SCN1A: variants seen among roughly 807,000 people sequenced by gnomAD.
SCN1A encodes the protein sodium voltage-gated channel alpha subunit 1, also known as sodium channel protein type 1 subunit alpha.
SCN1A carries 13 observed loss-of-function variants against 193.7 expected under a neutral mutation model. The ratio of observed to expected loss-of-function variants is 0.07; its 90% CI spans 0.04 to 0.11. The LOEUF (loss-of-function observed/expected upper bound fraction) is 0.11. Among genes scored for constraint, SCN1A ranks in the 10% least tolerant of loss-of-function variants. The pLI is 1.00. For synonymous variants in SCN1A, 781 were observed against 843.6 expected, an observed-to-expected ratio of 0.93 and a Z score of 1.29; for missense variants, 1,432 against 2,451.1, an observed-to-expected ratio of 0.58 and a Z score of 8.78.
intron 20 of SCN1A, among the ~76,000 whole-genome samples, chr2:166,014,584 C>T (rs1340719555): frequency 4.5e-5 from 5 of 110,840 alleles, no homozygotes; most frequent in Non-Finnish European, 7.4e-5. Flanking sequence ...CAAAAAAAAT[C>T]TGGTTTTCAA....
chr2:165,992,796 G>A lies in SCN1A; in HGVS notation c.4853-374C>T, dbSNP rs1573955813. On this transcript the variant is annotated intron_variant, in intron 28 of 28. Transcript: ENST00000674923. This position sits in a 1 kb window ranked among gnomAD's most constrained non-coding sequence, Gnocchi z 6.5. ...TTATATGTATACAGTGACTTTTTCT[G>A]AAATTGCCATATTCTAAATTCTCTA... 6.5e-6 allele frequency: 1 copy of A among 154,144 alleles called. No individual in the cohort carries two copies. The highest frequency in any genetic ancestry group is 6.5e-5 in the Admixed American group (1 of 15,270). The allele number at this position is 154,144 out of a possible 1,614,324, so 9.5% of individuals were successfully genotyped here. A position where few individuals can be genotyped will look rare whatever the true frequency, so the allele number is the denominator to read the frequency against.
chr2:166,048,159 G>T (rs1224624246), intron 10 of SCN1A, among the ~76,000 whole-genome samples: 1 of 151,984 alleles, frequency 6.6e-6, no homozygotes, highest in Admixed American at 6.6e-5. Flanking sequence ...TATGTTTGCT[G>T]TTATATACAG....
intron 19 of SCN1A, among the ~76,000 whole-genome samples, chr2:166,023,241 T>C (rs1254686647): frequency 6.6e-6 from 1 of 152,240 alleles, no homozygotes; most frequent in Non-Finnish European, 1.5e-5. Context: ...ACCACATCTG[T>C]CACTCACCAT....
chr2:166,050,596 C>G (rs1003432436), intron 9 of SCN1A, among the ~76,000 whole-genome samples: 1 of 84,788 alleles, frequency 1.2e-5, no homozygotes, highest in Non-Finnish European at 2.7e-5. Flanking sequence ...GCCACCACAC[C>G]CAACTCATTA....
At chr2:166,140,695 G>A (rs568211203) in intron 1 of SCN1A, among the ~76,000 whole-genome samples, 9 of 152,272 alleles carry the variant, frequency 5.9e-5, no homozygotes, top group African/African-American at 1.4e-4. Context: ...ACTGCTGATC[G>A]TGAACACTTA....
At chr2:166,107,180 G>A (rs1160457291) in intron 2 of SCN1A, among the ~76,000 whole-genome samples, 1 of 152,126 alleles carries the variant, frequency 6.6e-6, no homozygotes, top group Non-Finnish European at 1.5e-5. Context: ...CAAAAAGCAA[G>A]TAATCTTCGA....
intron 27 of SCN1A, among the ~76,000 whole-genome samples, chr2:165,994,865 T>C (rs1305883229): frequency 2.6e-5 from 4 of 152,004 alleles, no homozygotes; most frequent in African/African-American, 9.6e-5. Context: ...CTCAAATAAT[T>C]GTTAAGGAGA....
At chr2:166,044,174 T>C (rs1697516953) in intron 13 of SCN1A, 125 bp from the exon 14 acceptor site, 1 of 1,091,886 alleles carries the variant, frequency 9.2e-7, no homozygotes, top group Non-Finnish European at 1.3e-6. Flanking sequence ...TCATTCCTTT[T>C]GATTATCATT....
At chr2:166,129,166 C>T (rs1481465267), upstream of SCN1A, among the ~76,000 whole-genome samples, 1 of 151,986 alleles carries the variant, frequency 6.6e-6, no homozygotes, top group Non-Finnish European at 1.5e-5. Context: ...CCTATTTATA[C>T]TTGAGAACAC....
At chr2:166,036,007 T>A in intron 19 of SCN1A, 41 bp downstream of exon 19, 1 of 1,591,338 alleles carries the variant, frequency 6.3e-7, no homozygotes, top group Non-Finnish European at 8.6e-7. Context: ...TATGTATATA[T>A]GTATATGTAT....
In SCN1A at chr2:166,070,983, G is replaced by A. The variant is rs374880591; in HGVS notation, c.264+2375C>T. ...TTTAGATGGTGATTGCTACCAAAGA[G>A]GTGAGGACCCGGTGTCTGGGGGTAG... On this transcript the variant is annotated intron_variant, in intron 4 of 28. Transcript: ENST00000674923. Among the ~76,000 whole-genome samples, 60 of 152,302 alleles carry A rather than the reference G, an allele frequency of 3.9e-4. 3 individuals are homozygous for A. The highest frequency in any genetic ancestry group is 1.4e-3 in the African/African-American group (59 of 41,558).
rs1485857240 is a variant in SCN1A at position 166,045,335 on chromosome 2, G to T, written c.1378-8C>A. ...AGTTGCCGTTGCTGCCTGCTATATT[G>T]AAGAGAAATGATTTTAACATAGCAC... is the stretch of plus-strand genomic sequence containing the variant. On this transcript the variant is annotated splice_polypyrimidine_tract_variant and splice_region_variant and intron_variant, in intron 12 of 28. Coordinates refer to ENST00000674923, the MANE Select transcript of SCN1A (RefSeq NM_001165963.4). The T allele has an allele frequency of 1.2e-6, 2 of 1,613,844 alleles. No homozygotes were observed. The highest frequency in any genetic ancestry group is 1.7e-6 in the Non-Finnish European group (2 of 1,179,964).
chr2:166,071,333 G>A (rs1367832122), intron 4 of SCN1A, among the ~76,000 whole-genome samples: 1 of 152,102 alleles, frequency 6.6e-6, no homozygotes, highest in Non-Finnish European at 1.5e-5. Flanking sequence ...TAACTTAAAT[G>A]GCAGTTATGA....
chr2:166,143,745 C>T (rs566489445), intron 1 of SCN1A, among the ~76,000 whole-genome samples: 38 of 152,278 alleles, frequency 2.5e-4, no homozygotes, highest in African/African-American at 8.7e-4. Flanking sequence ...AAGAATTTAC[C>T]TTACTTTGGT....
chr2:166,064,518 G>T (rs543289159), intron 4 of SCN1A, among the ~76,000 whole-genome samples: 1 of 151,966 alleles, frequency 6.6e-6, no homozygotes, highest in Non-Finnish European at 1.5e-5. Context: ...ATAATGATTT[G>T]GTAGAAATTG....
chr2:166,088,059 T>C (rs1235819721), intron 2 of SCN1A, among the ~76,000 whole-genome samples: 6 of 109,868 alleles, frequency 5.5e-5, no homozygotes, highest in Non-Finnish European at 4.9e-5. Flanking sequence ...TGTGTGTTTG[T>C]GTGTGTGTGT....
intron 3 of SCN1A, chr2:166,075,423 T>C (rs1684893780): frequency 6.6e-6 from 1 of 152,046 alleles, no homozygotes; most frequent in Admixed American, 6.6e-5. Context: ...AATGGAATCT[T>C]ATTATACAAA....
At chr2:166,076,719 T>G (rs973088416) in intron 3 of SCN1A, among the ~76,000 whole-genome samples, 1 of 151,680 alleles carries the variant, frequency 6.6e-6, no homozygotes, top group Non-Finnish European at 1.5e-5. Flanking sequence ...GGATAGTGAG[T>G]GTGGAAGAAG....
chr2:166,087,165 G>GGA (rs748479189), intron 2 of SCN1A, among the ~76,000 whole-genome samples: 1 of 124,680 alleles, frequency 8.0e-6, no homozygotes, highest in African/African-American at 3.1e-5. Context: ...AGAACTGGTT[G>GGA]AAAAAAAAAA....
Sources: allele counts gnomAD v4.1 joint callset (sites outside exome capture counted in the v4.1 genomes callset), GRCh38; gene constraint gnomAD v4.1.1; non-coding constraint Gnocchi (gnomAD v3.1); transcripts MANE v1.5; gene names NCBI Gene and HGNC (gene_info 2026-07-23, HGNC 2026-07-21).